Variants in SRGAP3 observed in about 807,000 individuals in gnomAD.
The protein encoded by SRGAP3 is SLIT-ROBO Rho GTPase activating protein 3, also known as SLIT-ROBO Rho GTPase-activating protein 3.
Under a neutral mutation model 121.1 loss-of-function variants are expected in SRGAP3, and 39 were observed. That is an observed-to-expected ratio of 0.32 (90% CI 0.25 to 0.42). The LOEUF (loss-of-function observed/expected upper bound fraction) is 0.42. Among genes scored for constraint, SRGAP3 ranks in the 10% least tolerant of loss-of-function variants. The probability of loss-of-function intolerance (pLI) is 1.00; values close to 1 mark genes in which losing one functional copy is unlikely to be tolerated. For missense variants in SRGAP3, 1,213 were observed against 1,470.6 expected, an observed-to-expected ratio of 0.82 and a Z score of 2.86; for synonymous variants, 601 against 570.0, an observed-to-expected ratio of 1.05 and a Z score of -0.77.
At chr3:9,009,274 A>T (rs948630503) in intron 18 of SRGAP3, among the ~76,000 whole-genome samples, 2 of 152,156 alleles carry the variant, frequency 1.3e-5, no homozygotes, top group Non-Finnish European at 2.9e-5. Context: ...GTGGTGGCCA[A>T]CGTGTCCTGG....
At position 9,109,813 on chromosome 3, in the gene SRGAP3, C is replaced by T. The variant is rs531869115; in HGVS notation, c.261-4971G>A. ...CGGACTGGAGTTTCACAGGGAGGAG[C>T]CTTCAAAGGGGAGAAATGTGATGAG... On this transcript the variant is annotated intron_variant, in intron 2 of 21. Transcript: ENST00000383836. The surrounding 1 kb of genome is among the most constrained non-coding windows in gnomAD (Gnocchi z 4.4). 6.6e-6 allele frequency among the ~76,000 whole-genome samples: 1 copy of T among 152,054 alleles called. No individual in the cohort carries two copies. The highest frequency in any genetic ancestry group is 2.1e-4 in the South Asian group (1 of 4,812).
chr3:9,044,913 C>A (rs1390964876), intron 10 of SRGAP3, among the ~76,000 whole-genome samples: 6 of 152,110 alleles, frequency 3.9e-5, no homozygotes, highest in Non-Finnish European at 7.4e-5. Context: ...TCACCCAGTG[C>A]CCTAAGAATC....
At position 9,098,012 on chromosome 3, in the gene SRGAP3, G is replaced by A. The variant is rs114235964; in HGVS notation, c.423+6668C>T. 5.6e-3 allele frequency among the ~76,000 whole-genome samples: 851 copies of A among 152,212 alleles called. 3 individuals carry two copies. Among genetic ancestry groups the A allele is most frequent in the Middle Eastern group, 0.014 (4 of 294 alleles). ...GCACCGAAATACAGTCTCAGAGCTGGCTTCCCAGGGAACCCTGGTGATAGA... is the reference window on the plus strand; with the variant it reads ...GCACCGAAATACAGTCTCAGAGCTGACTTCCCAGGGAACCCTGGTGATAGA... On this transcript the variant is annotated intron_variant, in intron 3 of 21. Coordinates refer to ENST00000383836, the MANE Select transcript of SRGAP3 (RefSeq NM_014850.4).
intron 1 of SRGAP3, among the ~76,000 whole-genome samples, chr3:9,331,404 G>T (rs1575010855): frequency 2.0e-5 from 3 of 152,090 alleles, no homozygotes; most frequent in Non-Finnish European, 4.4e-5. Context: ...AATTACATAT[G>T]CATGCATGCA....
At chr3:9,022,232 G>C (rs1943960851) in intron 14 of SRGAP3, among the ~76,000 whole-genome samples, 1 of 152,222 alleles carries the variant, frequency 6.6e-6, no homozygotes, top group African/African-American at 2.4e-5. Context: ...GGAGGCTGAG[G>C]CAGGAGAATC....
At chr3:9,023,650 G>A (rs1374196264) in intron 14 of SRGAP3, among the ~76,000 whole-genome samples, 2 of 152,166 alleles carry the variant, frequency 1.3e-5, no homozygotes, top group Non-Finnish European at 2.9e-5. Context: ...CCCACTAGTA[G>A]TGACTGTGTT....
At chr3:9,231,811 C>A (rs1439510457) in intron 1 of SRGAP3, among the ~76,000 whole-genome samples, 1 of 152,170 alleles carries the variant, frequency 6.6e-6, no homozygotes, top group Non-Finnish European at 1.5e-5. Context: ...CACACACCAC[C>A]TCATTTGATC....
At position 9,060,297 on chromosome 3, in the gene SRGAP3, G is replaced by A. The variant is rs142074721; in HGVS notation, c.735C>T (p.Leu245=). ...KCTKARNDYL[L]NLAATNAAIS... ...TAGCTGCGTTGGTGGCTGCCAGATT[G>A]AGCAAGTAGTCATTCCGGGCCTTTG... is the stretch of plus-strand genomic sequence containing the variant. Residue 245 remains leucine, a synonymous_variant, in exon 6 of 22, where the codon CTC becomes CTT. Transcript: ENST00000383836. The A allele has an allele frequency of 1.2e-6, 2 of 1,614,206 alleles. No individual in the cohort carries two copies. The highest frequency in any genetic ancestry group is 1.7e-6 in the Non-Finnish European group (2 of 1,180,036).
chr3:9,347,545 G>C (rs1955929058), intron 1 of SRGAP3, among the ~76,000 whole-genome samples: 1 of 152,144 alleles, frequency 6.6e-6, no homozygotes, highest in African/African-American at 2.4e-5. Flanking sequence ...ACACTGCTCT[G>C]TGCTCGGCCC....
chr3:9,204,073 C>A (rs1952176502), intron 1 of SRGAP3, among the ~76,000 whole-genome samples: 1 of 152,218 alleles, frequency 6.6e-6, no homozygotes, highest in Non-Finnish European at 1.5e-5. Flanking sequence ...CCACCCCTAG[C>A]CCTGTGGCTT....
At chr3:9,088,611 T>C (rs567684669) in intron 3 of SRGAP3, among the ~76,000 whole-genome samples, 2 of 152,224 alleles carry the variant, frequency 1.3e-5, no homozygotes, top group Non-Finnish European at 2.9e-5. Context: ...TTGCCAGGTG[T>C]TCCCTGGGGG....
chr3:9,207,636 G>A (rs537478703), intron 1 of SRGAP3, among the ~76,000 whole-genome samples: 1 of 152,318 alleles, frequency 6.6e-6, no homozygotes, highest in South Asian at 2.1e-4. Context: ...TACAGGTCCA[G>A]TAAAGGCCTC....
At chr3:9,028,253 G>A in intron 12 of SRGAP3, 2 of 1,351,060 alleles carry the variant, frequency 1.5e-6, no homozygotes, top group Non-Finnish European at 2.1e-6. Flanking sequence ...ATGGCAGCCA[G>A]CCAAGGTCCT....
In SRGAP3 at chr3:9,259,129, G is replaced by C. The variant is rs544900910; in HGVS notation, n.442+66881C>G. Among the ~76,000 whole-genome samples, 3 of 151,994 alleles carry C rather than the reference G, an allele frequency of 2.0e-5. No individual in the cohort carries two copies. In the South Asian group the frequency reaches 6.2e-4, roughly 32 times the overall value. The stretch of plus-strand genomic sequence containing the variant: ...TTGCTATTCATTCAGATCCTCCCCG[G>C]GTCCTGGCTCCTGCGTCGCCTTCTC... On this transcript the variant is annotated intron_variant and non_coding_transcript_variant, in intron 3 of 3. Coordinates refer to the SRGAP3 transcript ENST00000490889.
upstream of SRGAP3, among the ~76,000 whole-genome samples, chr3:9,254,353 A>G (rs1453441774): frequency 6.6e-6 from 1 of 152,246 alleles, no homozygotes; most frequent in Non-Finnish European, 1.5e-5. Flanking sequence ...AGATTATATG[A>G]GTCCATTTAT....
chr3:9,281,920 C>T (rs1954687366), intron 3 of SRGAP3, among the ~76,000 whole-genome samples: 1 of 152,148 alleles, frequency 6.6e-6, no homozygotes, highest in Non-Finnish European at 1.5e-5. Flanking sequence ...CCCACCTCAA[C>T]CTCCCAAAGT....
At chr3:9,166,047 A>G (rs1950774778) in intron 1 of SRGAP3, among the ~76,000 whole-genome samples, 1 of 152,246 alleles carries the variant, frequency 6.6e-6, no homozygotes, top group Admixed American at 6.5e-5. Flanking sequence ...ATGAGTGAGT[A>G]GTGAATGAAT....
At chr3:9,345,643 G>A (rs192090864) in intron 1 of SRGAP3, among the ~76,000 whole-genome samples, 12 of 151,264 alleles carry the variant, frequency 7.9e-5, no homozygotes, top group Admixed American at 1.3e-4. Context: ...AAAATTAGCC[G>A]GGCATGGTGG....
At chr3:9,045,990 C>G (rs1945255633) in intron 10 of SRGAP3, among the ~76,000 whole-genome samples, 2 of 152,230 alleles carry the variant, frequency 1.3e-5, no homozygotes, top group South Asian at 2.1e-4. Flanking sequence ...TTTTTCTTCC[C>G]TCTTTGCTAC....
Sources: allele counts gnomAD v4.1 joint callset (sites outside exome capture counted in the v4.1 genomes callset), GRCh38; gene constraint gnomAD v4.1.1; non-coding constraint Gnocchi (gnomAD v3.1); transcripts MANE v1.5; gene names NCBI Gene and HGNC (gene_info 2026-07-23, HGNC 2026-07-21).